CPAMD8: variants seen among roughly 807,000 people sequenced by gnomAD.
CPAMD8 encodes the protein C3 and PZP-like alpha-2-macroglobulin domain-containing protein 8.
Under a neutral mutation model 224.7 loss-of-function variants are expected in CPAMD8, and 146 were observed. The observed-to-expected ratio is 0.65, with a 90% CI of 0.57 to 0.75. The LOEUF (loss-of-function observed/expected upper bound fraction) is 0.75, where lower values mean the gene tolerates loss of function less well. CPAMD8 is among the 30% of genes least tolerant of loss of function. CPAMD8 has a pLI of 0.00. For synonymous variants in CPAMD8, 966 were observed against 1,044.6 expected (o/e 0.92, Z 1.45); for missense variants, 2,301 against 2,537.5 (o/e 0.91, Z 2.00).
At position 16,975,990 on chromosome 19, in the gene CPAMD8, G is replaced by T. The variant is rs748319670; in HGVS notation, c.1908+12C>A. On this transcript the variant is annotated intron_variant, in intron 16 of 41. Coordinates refer to ENST00000443236, the MANE Select transcript of CPAMD8 (RefSeq NM_015692.5). ...TGGAGGTCTAGAACCCAAGCCCGAG[G>T]GGTCTGCTCACCTGGGCAGGAGTCA... The T allele has an allele frequency of 6.4e-7, 1 of 1,570,666 alleles. No individual in the cohort carries two copies. The highest frequency in any genetic ancestry group is 1.8e-5 in the Admixed American group (1 of 54,982).
intron 39 of CPAMD8, chr19:16,897,477 A>G: frequency 3.7e-6 from 2 of 543,994 alleles, no homozygotes; most frequent in South Asian, 4.5e-5. Flanking sequence ...CGCACTTACC[A>G]CTCCCCCAGC....
rs1437246805 is a variant in CPAMD8 at position 16,897,772 on chromosome 19, T to C, written c.4984A>G (p.Ser1662Gly). The change falls in exon 39 of 42, where the codon AGC becomes GGC. Residue 1662 changes from serine (S) to glycine (G), a missense_variant. Physicochemically the swap from Ser to Gly is moderately conservative, Grantham distance 56 (BLOSUM62 0). Transcript: ENST00000443236. ...AFEATRFYNVSTHSPLARELC... is the reference protein window; with the variant it reads ...AFEATRFYNVGTHSPLARELC... The stretch of plus-strand genomic sequence containing the variant: ...TCCCGGGCGAGTGGGCTGTGGGTGC[T>C]GACGTTGTAGAAGCGAGTGGCCTCG... The C allele has an allele frequency of 2.5e-6, 4 of 1,586,146 alleles. No individual in the cohort carries two copies. The highest frequency in any genetic ancestry group is 1.3e-5 in the African/African-American group (1 of 74,342).
chr19:17,024,165 G>A (rs1268756481), intron 1 of CPAMD8, among the ~76,000 whole-genome samples: 2 of 152,188 alleles, frequency 1.3e-5, no homozygotes, highest in South Asian at 2.1e-4. Flanking sequence ...CTCAAAAGAC[G>A]CAGTGGGTTT....
At chr19:16,912,412 A>T (rs1481364708) in intron 29 of CPAMD8, among the ~76,000 whole-genome samples, 1 of 152,188 alleles carries the variant, frequency 6.6e-6, no homozygotes, top group East Asian at 1.9e-4. Flanking sequence ...AGTGACCTCA[A>T]GGGATAGGAA....
intron 27 of CPAMD8, among the ~76,000 whole-genome samples, chr19:16,916,239 C>T (rs2052953701): frequency 6.6e-6 from 1 of 152,044 alleles, no homozygotes; most frequent in South Asian, 2.1e-4. Context: ...GTCTCGAACT[C>T]CTGGGCTCCA....
intron 29 of CPAMD8, among the ~76,000 whole-genome samples, chr19:16,912,496 C>A (rs546775348): frequency 1.3e-5 from 2 of 152,206 alleles, no homozygotes; most frequent in African/African-American, 4.8e-5. Context: ...TGCCTGTAAT[C>A]CCAGTACTTT....
rs544485708 is a variant in CPAMD8, at chr19:16,984,285, G to A, written c.1396-3599C>T. On this transcript the variant is annotated intron_variant, in intron 13 of 41. Transcript: ENST00000443236. ...GCTATGATCACACTACTGCACCTCA[G>A]CCTGGGTGACAGAGCAAGGTCCTAT... 2.8e-5 allele frequency among the ~76,000 whole-genome samples: 4 copies of A among 141,108 alleles called. No homozygotes were observed. In the East Asian group the frequency reaches 8.2e-4, roughly 29 times the overall value. 92.6% of individuals were successfully genotyped at this position (141,108 alleles called of 152,430 possible).
At position 16,938,301 on chromosome 19, in the gene CPAMD8, C is replaced by T. The variant is rs186705012; in HGVS notation, c.2845+94G>A. 1,283 of 615,296 alleles carry T rather than the reference C, an allele frequency of 2.1e-3. 5 individuals carry two copies. The highest frequency in any genetic ancestry group is 8.3e-4 in the Non-Finnish European group (300 of 360,448). The allele number at this position is 615,296 out of a possible 1,614,324, so 38.1% of individuals were successfully genotyped here. ...GGAAGGGCAGGTGCTCACTTTGCAG[C>T]GGGACAGCCCCCACAGTGTGGGAAA... On this transcript the variant is annotated intron_variant, in intron 23 of 41. Transcript: ENST00000443236.
intron 22 of CPAMD8, 44 bp from the exon 23 acceptor site, chr19:16,938,490 G>T: frequency 1.7e-6 from 2 of 1,207,264 alleles, no homozygotes; most frequent in South Asian, 2.6e-5. Context: ...GGGCGGTGAG[G>T]GGGATGGTCA....
At chr19:16,978,724 G>A (rs2055370923) in intron 14 of CPAMD8, among the ~76,000 whole-genome samples, 1 of 151,984 alleles carries the variant, frequency 6.6e-6, no homozygotes, top group African/African-American at 2.4e-5. Context: ...TAAGAAGGAG[G>A]GATCTTCTCT....
chr19:17,021,425 C>T (rs2056954590), intron 2 of CPAMD8, among the ~76,000 whole-genome samples: 1 of 152,202 alleles, frequency 6.6e-6, no homozygotes, highest in African/African-American at 2.4e-5. Flanking sequence ...GCTTCACTGG[C>T]CTTGGAGCCC....
At chr19:16,906,918 G>T (rs555034027) in intron 30 of CPAMD8, 34 bp downstream of exon 30, 19 of 1,555,964 alleles carry the variant, frequency 1.2e-5, no homozygotes, top group Non-Finnish European at 3.5e-6. Context: ...GCTTCCCGAC[G>T]CTGTGGCCTC....
chr19:16,938,179 C>A (rs2053761072), intron 23 of CPAMD8, among the ~76,000 whole-genome samples: 2 of 152,186 alleles, frequency 1.3e-5, no homozygotes, highest in Admixed American at 6.5e-5. Flanking sequence ...AGTATTCATT[C>A]CCTGTGTATT....
At chr19:16,926,191 G>A (rs998974042) in intron 25 of CPAMD8, among the ~76,000 whole-genome samples, 1 of 151,820 alleles carries the variant, frequency 6.6e-6, no homozygotes, top group African/African-American at 2.4e-5. Context: ...AAAAATTATG[G>A]TTCTCCCATC....
chr19:16,893,331 G>T lies in CPAMD8; in HGVS notation c.5435C>A (p.Ala1812Asp). The change falls in exon 42 of 42, where the codon GCC becomes GAC. Residue 1812 changes from alanine to aspartate, a missense_variant. This residue lies in a region of CPAMD8 where 1,709 missense variants were observed against 1,753.2 expected (regional missense o/e 0.97). Coordinates refer to ENST00000443236, the MANE Select transcript of CPAMD8 (RefSeq NM_015692.5). ...GCTGCTCACAGGAGGCCGAGGCCCGGCTGTGACCCTGGAGATGAGGTTTTA... is the reference window on the plus strand; with the variant it reads ...GCTGCTCACAGGAGGCCGAGGCCCGTCTGTGACCCTGGAGATGAGGTTTTA... ...PEGEAEDRVT[A>D]GPRPPVSSGN... The T allele has an allele frequency of 6.5e-7, 1 of 1,530,314 alleles. No homozygotes were observed. Among genetic ancestry groups the T allele is most frequent in the East Asian group, 2.4e-5 (1 of 40,822 alleles). The allele number at this position is 1,530,314 out of a possible 1,614,324, so 94.8% of individuals were successfully genotyped here.
chr19:16,923,441 G>A (rs1167633303), intron 26 of CPAMD8, among the ~76,000 whole-genome samples: 6 of 152,192 alleles, frequency 3.9e-5, no homozygotes, highest in East Asian at 1.9e-4. Context: ...ACTGTGTGTG[G>A]TCTGAGCCTC....
At chr19:16,958,680 C>A (rs2054551065) in intron 18 of CPAMD8, among the ~76,000 whole-genome samples, 1 of 152,066 alleles carries the variant, frequency 6.6e-6, no homozygotes, top group African/African-American at 2.4e-5. Context: ...GTTTTTAGTT[C>A]TTTGAGCAAT....
rs887569436 is a variant in CPAMD8 at position 16,946,021 on chromosome 19, G to A, written c.2663-342C>T. ...TGCATATGCATGTGTGTATCTGTAC[G>A]TGTGTTTGTGTGTATATGCATGTGT... is the stretch of plus-strand genomic sequence containing the variant. On this transcript the variant is annotated intron_variant, in intron 21 of 41. Transcript: ENST00000443236. 4.6e-5 allele frequency among the ~76,000 whole-genome samples: 7 copies of A among 152,026 alleles called. 1 individual carries two copies. The highest frequency in any genetic ancestry group is 4.1e-4 in the South Asian group (2 of 4,832).
intron 22 of CPAMD8, among the ~76,000 whole-genome samples, chr19:16,941,401 T>C (rs140045985): frequency 6.4e-4 from 98 of 152,252 alleles, no homozygotes; most frequent in African/African-American, 2.3e-3. Flanking sequence ...CCTGAACACA[T>C]TGTGCTGAGT....
Sources: gnomAD v4.1 joint callset for allele counts (sites outside exome capture counted in the v4.1 genomes callset) on GRCh38, gnomAD v4.1.1 for gene constraint, gnomAD v4.1.1 regional missense constraint, MANE v1.5 for transcripts, NCBI Gene and HGNC (gene_info 2026-07-23, HGNC 2026-07-21) for gene names.